Variants in FYTTD1 observed in about 807,000 individuals in gnomAD.
The protein encoded by FYTTD1 is UAP56-interacting factor.
Under a neutral mutation model 40.9 loss-of-function variants are expected in FYTTD1, and 22 were observed. The ratio of observed to expected loss-of-function variants is 0.54; its 90% CI spans 0.38 to 0.77. The LOEUF (loss-of-function observed/expected upper bound fraction) is 0.77. Among genes scored for constraint, FYTTD1 ranks in the 30% least tolerant of loss-of-function variants. The pLI is 0.00. For missense variants in FYTTD1, 351 were observed against 392.2 expected (o/e 0.90, Z 0.89); for synonymous variants, 140 against 137.9 (o/e 1.01, Z -0.10).
At chr3:197,780,818 C>T (rs1293573114) in intron 8 of FYTTD1, among the ~76,000 whole-genome samples, 4 of 151,762 alleles carry the variant, frequency 2.6e-5, no homozygotes, top group African/African-American at 9.7e-5. Flanking sequence ...GCTGGGATTA[C>T]AGGCGTGAGC....
At chr3:197,773,299 C>T (rs1278513171) in intron 4 of FYTTD1, 104 bp from the exon 5 acceptor site, 6 of 654,686 alleles carry the variant, frequency 9.2e-6, no homozygotes, top group South Asian at 3.9e-5. Context: ...GTTTCTTGCA[C>T]CTCATGTTTG....
rs1268422647 is a variant in FYTTD1 at position 197,782,434 on chromosome 3, C to T, written c.*525C>T. The T allele has an allele frequency of 6.6e-6, 1 of 152,172 alleles. No homozygotes were observed. Among genetic ancestry groups the T allele is most frequent in the Non-Finnish European group, 1.5e-5 (1 of 68,074 alleles). 9.4% of individuals were successfully genotyped at this position (152,172 alleles called of 1,614,324 possible). A position where few individuals can be genotyped will look rare whatever the true frequency, so the allele number is the denominator to read the frequency against. On this transcript the variant is annotated 3_prime_UTR_variant, in exon 9 of 9. Coordinates refer to ENST00000241502, the MANE Select transcript of FYTTD1 (RefSeq NM_032288.7). Reference sequence around the variant, plus strand: ...TGGGTTTGAAGACTTAGGGGGACATCCAGAACGTGCTTCCTCTTTCAGACG... The same window carrying T: ...TGGGTTTGAAGACTTAGGGGGACATTCAGAACGTGCTTCCTCTTTCAGACG...
At chr3:197,768,029 ATATAATT>A (rs1038119119) in intron 2 of FYTTD1, among the ~76,000 whole-genome samples, 3 of 152,360 alleles carry the variant, frequency 2.0e-5, no homozygotes, top group Admixed American at 6.5e-5. Context: ...ATATTTCACT[ATATAATT>A]TATATAAAAT....
chr3:197,761,028 A>G (rs1244980977), intron 2 of FYTTD1, among the ~76,000 whole-genome samples: 2 of 146,764 alleles, frequency 1.4e-5, no homozygotes, highest in Non-Finnish European at 3.0e-5. Context: ...GGTAGAATGT[A>G]TAGACTTGTT....
rs557622550 is a variant in FYTTD1, at chr3:197,785,180, T to A, written c.*3271T>A. On this transcript the variant is annotated 3_prime_UTR_variant, in exon 9 of 9. Transcript: ENST00000241502. ...AAAGTCCAGTGTTCCTAATCAGATA[T>A]GCATTTTTTAAAAACAGGCATAAAC... 1 of 152,244 alleles carries A rather than the reference T, an allele frequency of 6.6e-6. No homozygotes were observed. Among genetic ancestry groups the A allele is most frequent in the East Asian group, 1.9e-4 (1 of 5,204 alleles). 9.4% of individuals were successfully genotyped at this position (152,244 alleles called of 1,614,324 possible).
intron 2 of FYTTD1, among the ~76,000 whole-genome samples, chr3:197,758,627 A>C (rs1227183623): frequency 6.6e-6 from 1 of 152,212 alleles, no homozygotes; most frequent in African/African-American, 2.4e-5. Context: ...TTATGATCTG[A>C]GCCTTGAAAT....
At chr3:197,769,132 G>C (rs1729636302) in intron 3 of FYTTD1, among the ~76,000 whole-genome samples, 1 of 151,432 alleles carries the variant, frequency 6.6e-6, no homozygotes, top group South Asian at 2.1e-4. Flanking sequence ...CTGTCGCCCA[G>C]GCTGGAGTGC....
At chr3:197,768,616 A>T (rs760672493) in intron 3 of FYTTD1, 29 bp downstream of exon 3, 1 of 1,581,304 alleles carries the variant, frequency 6.3e-7, no homozygotes, top group Admixed American at 1.8e-5. Context: ...CCTGGATTAG[A>T]TATCCTTTTC....
At chr3:197,771,654 G>A (rs558904402) in intron 4 of FYTTD1, among the ~76,000 whole-genome samples, 195 of 151,346 alleles carry the variant, frequency 1.3e-3, no homozygotes, top group Non-Finnish European at 2.4e-3. Flanking sequence ...GCGGGCGCCT[G>A]TAGTCCCAGC....
In FYTTD1 at chr3:197,771,719, G is replaced by A. The variant is rs1468634894; in HGVS notation, c.497+1475G>A. Among the ~76,000 whole-genome samples, 5 of 144,790 alleles carry A rather than the reference G, an allele frequency of 3.5e-5. No homozygotes were observed. In the East Asian group the frequency reaches 1.0e-3, roughly 30 times the overall value. The allele number at this position is 144,790 out of a possible 152,430, so 95.0% of individuals were successfully genotyped here. ...GTGAACCCGGGAGGCGGAGCTTGCA[G>A]TGAGCCGAGATCCCGCCACTGCACT... On this transcript the variant is annotated intron_variant, in intron 4 of 8. Coordinates refer to ENST00000241502, the MANE Select transcript of FYTTD1 (RefSeq NM_032288.7).
At chr3:197,751,641 T>TCCC (rs146876463) in intron 1 of FYTTD1, among the ~76,000 whole-genome samples, 36 of 134,638 alleles carry the variant, frequency 2.7e-4, no homozygotes, top group African/African-American at 8.7e-4. Context: ...CCCCCCGCTC[T>TCCC]CCCCCCCCGC....
chr3:197,773,084 A>T (rs538119368), intron 4 of FYTTD1, among the ~76,000 whole-genome samples: 1 of 152,332 alleles, frequency 6.6e-6, no homozygotes, highest in African/African-American at 2.4e-5. Context: ...TTGTAAAGTT[A>T]TGTTTTCACC....
rs751385519 is a variant in FYTTD1, at chr3:197,768,521, A to C, written c.318A>C (p.Ala106=). The stretch of plus-strand genomic sequence containing the variant: ...CTAATGGAGTTATCACTGGCCTTGC[A>C]GCTAGGAAAACGACTGGAATTCGAA... ...RRPNGVITGL[A]ARKTTGIRKG... is the part of the protein sequence containing the mutation. The change falls in exon 3 of 9, where the codon GCA becomes GCC. Residue 106 remains alanine (A), a synonymous_variant. Coordinates refer to ENST00000241502, the MANE Select transcript of FYTTD1 (RefSeq NM_032288.7). 1 of 1,613,786 alleles carries C rather than the reference A, an allele frequency of 6.2e-7. No homozygotes were observed.
rs1376094033 is a variant in FYTTD1, at chr3:197,783,871, C to A, written c.*1962C>A. On this transcript the variant is annotated 3_prime_UTR_variant, in exon 9 of 9. Transcript: ENST00000241502. ...CTTTAAAAATTGCCCCAAATACTGA[C>A]ATTGAGTGCATTAAATAACAAATTA... The A allele has an allele frequency of 6.6e-6, 1 of 152,558 alleles. No individual in the cohort carries two copies. The highest frequency in any genetic ancestry group is 2.4e-5 in the African/African-American group (1 of 41,418). The allele number at this position is 152,558 out of a possible 1,614,324, so 9.5% of individuals were successfully genotyped here. A position where few individuals can be genotyped will look rare whatever the true frequency, so the allele number is the denominator to read the frequency against.
chr3:197,754,454 T>A (rs529882063), intron 1 of FYTTD1, among the ~76,000 whole-genome samples: 3 of 152,258 alleles, frequency 2.0e-5, no homozygotes, highest in Admixed American at 2.0e-4. Flanking sequence ...AACAGTAATA[T>A]ATTACAAAGG....
At chr3:197,779,757 A>T (rs1273062141) in intron 8 of FYTTD1, among the ~76,000 whole-genome samples, 2 of 149,514 alleles carry the variant, frequency 1.3e-5, no homozygotes, top group Non-Finnish European at 3.0e-5. Flanking sequence ...ACACCTGGGG[A>T]TACAGGCACA....
At chr3:197,754,953 A>C (rs140168116) in intron 1 of FYTTD1, among the ~76,000 whole-genome samples, 163 of 152,320 alleles carry the variant, frequency 1.1e-3, no homozygotes, top group African/African-American at 3.8e-3. Flanking sequence ...GCATGTGCCC[A>C]GCTGGATATT....
At chr3:197,766,430 G>GGTGTGTGTGTGTGTGT (rs111725145) in intron 2 of FYTTD1, among the ~76,000 whole-genome samples, 21,805 of 134,794 alleles carry the variant, frequency 0.16, 2,044 homozygotes, top group East Asian at 0.35. Context: ...GTTTGAGACT[G>GGTGTGTGTGTGTGTGT]GTGTGTGTGT....
In FYTTD1 at chr3:197,782,273, T is replaced by G. The variant is rs1730048889; in HGVS notation, c.*364T>G. The G allele has an allele frequency of 6.4e-6, 1 of 156,162 alleles. No homozygotes were observed. The highest frequency in any genetic ancestry group is 6.5e-5 in the Admixed American group (1 of 15,472). 9.7% of individuals were successfully genotyped at this position (156,162 alleles called of 1,614,324 possible). On this transcript the variant is annotated 3_prime_UTR_variant, in exon 9 of 9. Coordinates refer to ENST00000241502, the MANE Select transcript of FYTTD1 (RefSeq NM_032288.7). The stretch of plus-strand genomic sequence containing the variant: ...TTTGCCCGTGTTTTAGACTTTGTCA[T>G]GGTAAATCCTGGTCTTCATAAACAT...
Sources: allele counts gnomAD v4.1 joint callset (sites outside exome capture counted in the v4.1 genomes callset), GRCh38; gene constraint gnomAD v4.1.1; transcripts MANE v1.5; gene names NCBI Gene and HGNC (gene_info 2026-07-23, HGNC 2026-07-21).